SLC5A12: variants seen among roughly 807,000 people sequenced by gnomAD.
SLC5A12 encodes the protein solute carrier family 5 member 12.
In SLC5A12, 46 loss-of-function variants were observed where a neutral mutation model predicts 72.7. That is an observed-to-expected ratio of 0.63 (90% CI 0.50 to 0.81). The LOEUF is 0.81. Ranked by LOEUF, SLC5A12 falls within the 30% of genes least tolerant of loss-of-function variation. The pLI is 0.00. For missense variants in SLC5A12, 683 were observed against 740.7 expected (o/e 0.92, Z 0.90); for synonymous variants, 275 against 264.4 (o/e 1.04, Z -0.39).
chr11:26,698,640 G>A, intron 6 of SLC5A12, 105 bp from the exon 7 acceptor site: 1 of 1,087,558 alleles, frequency 9.2e-7, no homozygotes, highest in Non-Finnish European at 1.3e-6. Context: ...CTTTTTGCTA[G>A]TAAAATAAAA....
chr11:26,678,865 A>C, intron 12 of SLC5A12, 50 bp from the exon 13 acceptor site: 1 of 1,273,560 alleles, frequency 7.9e-7, no homozygotes, highest in Non-Finnish European at 1.1e-6. Context: ...AAAGACCCAC[A>C]GTGATGTAGA....
At position 26,683,090 on chromosome 11, in the gene SLC5A12, G is replaced by A. The variant is rs377375902; in HGVS notation, c.1308+667C>T. On this transcript the variant is annotated intron_variant, in intron 11 of 14. Coordinates refer to ENST00000396005, the MANE Select transcript of SLC5A12 (RefSeq NM_178498.4). The stretch of plus-strand genomic sequence containing the variant: ...ACTTTCTCAAAATACATGCATGTAA[G>A]TGTGCACATGGCAATAATTGAAAGA... Among the ~76,000 whole-genome samples, 4 of 152,168 alleles carry A rather than the reference G, an allele frequency of 2.6e-5. No homozygotes were observed. The East Asian group carries it at 5.8e-4, about 22-fold the overall frequency.
At chr11:26,680,906 G>A (rs908002480) in intron 12 of SLC5A12, 149 bp downstream of exon 12, 7 of 622,840 alleles carry the variant, frequency 1.1e-5, no homozygotes, top group Non-Finnish European at 1.7e-5. Flanking sequence ...GCAGCCCTGC[G>A]TGGCACTCTT....
intron 13 of SLC5A12, among the ~76,000 whole-genome samples, chr11:26,674,214 A>G (rs1489987560): frequency 6.7e-6 from 1 of 149,646 alleles, no homozygotes; most frequent in Non-Finnish European, 1.5e-5. Flanking sequence ...CTATTCACTA[A>G]TACCCAATAT....
At chr11:26,699,194 A>C (rs1854899980) in intron 6 of SLC5A12, among the ~76,000 whole-genome samples, 1 of 152,278 alleles carries the variant, frequency 6.6e-6, no homozygotes, top group African/African-American at 2.4e-5. Flanking sequence ...TGAAAGTAAA[A>C]ATTTTACTAA....
rs1400737124 is a variant in SLC5A12, at chr11:26,670,030, T to G, written c.*1072A>C. ...CTGCTCCTTCATTTGTCAACTCGCC[T>G]TTTAATCTGCAATACCCTCATTCTC... On this transcript the variant is annotated 3_prime_UTR_variant, in exon 15 of 15. Transcript: ENST00000396005. The G allele has an allele frequency of 6.6e-6, 1 of 152,112 alleles. No homozygotes were observed. Among genetic ancestry groups the G allele is most frequent in the African/African-American group, 2.4e-5 (1 of 41,444 alleles). 9.4% of individuals were successfully genotyped at this position (152,112 alleles called of 1,614,324 possible).
At chr11:26,696,043 C>T (rs1298564851) in intron 8 of SLC5A12, among the ~76,000 whole-genome samples, 1 of 152,124 alleles carries the variant, frequency 6.6e-6, no homozygotes, top group African/African-American at 2.4e-5. Flanking sequence ...AAAGGAGTTC[C>T]TTAAAGACCC....
At chr11:26,690,727 A>G (rs1854650017) in intron 9 of SLC5A12, among the ~76,000 whole-genome samples, 1 of 150,828 alleles carries the variant, frequency 6.6e-6, no homozygotes, top group South Asian at 2.1e-4. Flanking sequence ...CTGAGGCAGG[A>G]ACCCAGGAGG....
chr11:26,711,217 C>T (rs1402410771), intron 3 of SLC5A12, 90 bp downstream of exon 3: 4 of 1,067,664 alleles, frequency 3.7e-6, no homozygotes, highest in East Asian at 2.5e-5. Flanking sequence ...AAGAATATCT[C>T]CCCAACAAAG....
chr11:26,680,394 CAT>C (rs34989102), intron 12 of SLC5A12, among the ~76,000 whole-genome samples: 1 of 76,120 alleles, frequency 1.3e-5, no homozygotes, highest in African/African-American at 4.1e-5. Flanking sequence ...TATATATATT[CAT>C]ATATATATAT....
At chr11:26,716,496 A>C (rs1855352095) in intron 1 of SLC5A12, 1 of 152,216 alleles carries the variant, frequency 6.6e-6, no homozygotes, top group African/African-American at 2.4e-5. Flanking sequence ...CAAAAGTAAA[A>C]ATACAACAGA....
rs138225846 is a variant in SLC5A12, at chr11:26,668,374, T to C, written c.*2728A>G. The C allele has an allele frequency of 6.6e-6, 1 of 152,148 alleles. No homozygotes were observed. Among genetic ancestry groups the C allele is most frequent in the Admixed American group, 6.6e-5 (1 of 15,226 alleles). 9.4% of individuals were successfully genotyped at this position (152,148 alleles called of 1,614,324 possible). A position where few individuals can be genotyped will look rare whatever the true frequency, so the allele number is the denominator to read the frequency against. On this transcript the variant is annotated 3_prime_UTR_variant, in exon 15 of 15. Coordinates refer to ENST00000396005, the MANE Select transcript of SLC5A12 (RefSeq NM_178498.4). ...CCCCTCTAAAACTCATCATTCCTAG[T>C]GCCATTTATTGAGAATGTCTCTGGT... is the stretch of plus-strand genomic sequence containing the variant.
At chr11:26,698,087 G>A (rs1854868600) in intron 7 of SLC5A12, among the ~76,000 whole-genome samples, 1 of 151,730 alleles carries the variant, frequency 6.6e-6, no homozygotes. Flanking sequence ...TAGTAGAGAC[G>A]ATATTTTGCC....
At chr11:26,717,619 G>T (rs118153509) in intron 1 of SLC5A12, among the ~76,000 whole-genome samples, 1 of 152,112 alleles carries the variant, frequency 6.6e-6, no homozygotes, top group African/African-American at 2.4e-5. Flanking sequence ...GCATATCAAG[G>T]CATTTAAATC....
rs761594077 is a variant in SLC5A12 at position 26,703,593 on chromosome 11, A to G, written c.759T>C (p.Tyr253=). The change falls in exon 6 of 15, where the codon TAT becomes TAC. Residue 253 remains tyrosine, a synonymous_variant. Transcript: ENST00000396005. ...VGGTFTWLGI[Y]GVNQSTIQRC... ...GCTGAATAGTTGATTGATTGACCCC[A>G]TAGATTCCGAGCCAAGTAAAAGTTC... is the stretch of plus-strand genomic sequence containing the variant. The G allele has an allele frequency of 6.8e-6, 11 of 1,613,926 alleles. No individual in the cohort carries two copies. Among genetic ancestry groups the G allele is most frequent in the African/African-American group, 5.3e-5 (4 of 74,904 alleles).
intron 6 of SLC5A12, among the ~76,000 whole-genome samples, chr11:26,699,615 T>C (rs1033845473): frequency 6.6e-6 from 1 of 152,206 alleles, no homozygotes; most frequent in African/African-American, 2.4e-5. Flanking sequence ...GGGAATACAA[T>C]TGCTACATAA....
At chr11:26,684,921 G>C (rs1854494317) in intron 10 of SLC5A12, among the ~76,000 whole-genome samples, 1 of 152,168 alleles carries the variant, frequency 6.6e-6, no homozygotes, top group African/African-American at 2.4e-5. Context: ...CCTAAAATAA[G>C]TGCCTGAGAT....
chr11:26,691,319 A>T (rs1415745992), intron 9 of SLC5A12, among the ~76,000 whole-genome samples: 5 of 152,164 alleles, frequency 3.3e-5, no homozygotes, highest in African/African-American at 1.2e-4. Flanking sequence ...TGCCACACAT[A>T]CTTATTGATT....
At chr11:26,672,762 C>CT (rs1240951569) in intron 14 of SLC5A12, among the ~76,000 whole-genome samples, 8 of 152,114 alleles carry the variant, frequency 5.3e-5, no homozygotes, top group African/African-American at 1.9e-4. Flanking sequence ...TGGACAGTGT[C>CT]TCTAGTACTG....
Sources: allele counts gnomAD v4.1 joint callset (sites outside exome capture counted in the v4.1 genomes callset), GRCh38; gene constraint gnomAD v4.1.1; transcripts MANE v1.5; gene names NCBI Gene and HGNC (gene_info 2026-07-23, HGNC 2026-07-21).